ANKRD26: variants seen among roughly 807,000 people sequenced by gnomAD.
ANKRD26 encodes the protein ankyrin repeat domain 26.
A neutral mutation model predicts 208.7 loss-of-function variants in ANKRD26; 141 were observed. That is an observed-to-expected ratio of 0.68 (90% CI 0.59 to 0.78). The LOEUF is 0.78. ANKRD26 is among the 30% of genes least tolerant of loss of function. ANKRD26 has a pLI of 0.00. For missense variants in ANKRD26, 1,889 were observed against 1,938.7 expected (o/e 0.97, Z 0.48); for synonymous variants, 636 against 660.4 (o/e 0.96, Z 0.57).
At chr10:26,958,251 T>C in the ANKRD26 span, among the ~76,000 whole-genome samples, 1 of 151,802 alleles carries the variant, frequency 6.6e-6, no homozygotes, top group Non-Finnish European at 1.5e-5. Flanking sequence ...CCCAGCTAAT[T>C]CTTTTTGTAT....
chr10:26,970,329 A>T (rs2052125106), downstream of ANKRD26, among the ~76,000 whole-genome samples: 2 of 151,978 alleles, frequency 1.3e-5, no homozygotes, highest in Non-Finnish European at 1.5e-5. Flanking sequence ...GTTTAGCATC[A>T]CCCTCTTGAT....
chr10:27,032,315 AG>A (rs2053891134), intron 25 of ANKRD26, among the ~76,000 whole-genome samples: 1 of 152,130 alleles, frequency 6.6e-6, no homozygotes, highest in South Asian at 2.1e-4. Context: ...CCTGGCCAAC[AG>A]GGTGAAACCC....
intron 5 of ANKRD26, among the ~76,000 whole-genome samples, chr10:26,992,276 T>C (rs1025276436): frequency 3.3e-5 from 5 of 152,192 alleles, no homozygotes; most frequent in African/African-American, 1.2e-4. Context: ...ATTTTTTCTT[T>C]AAAATCTTAT....
intron 28 of ANKRD26, 67 bp from the exon 29 acceptor site, chr10:27,022,754 A>T: frequency 7.1e-7 from 1 of 1,405,836 alleles, no homozygotes; most frequent in Non-Finnish European, 9.8e-7. Context: ...TTATTTAAAC[A>T]GATATTATGT....
In ANKRD26 at chr10:27,037,910, C is replaced by T. The variant is rs1191086393; in HGVS notation, c.2520G>A (p.Leu840=). The T allele has an allele frequency of 6.2e-7, 1 of 1,613,052 alleles. No homozygotes were observed. The highest frequency in any genetic ancestry group is 2.2e-5 in the East Asian group (1 of 44,750). The change falls in exon 22 of 34, where the codon CTG becomes CTA. Residue 840 remains leucine, a synonymous_variant. Coordinates refer to ENST00000376087, the MANE Select transcript of ANKRD26 (RefSeq NM_014915.3). ...KQQLELSLQT[L]EMELRTVKSN... is the part of the protein sequence containing the mutation. ...TTTTTACAGTCCTCAATTCCATCTC[C>T]AGTGTTTGGAGACTCAGTTCAAGCT...
downstream of ANKRD26, among the ~76,000 whole-genome samples, chr10:27,001,034 G>A (rs1432879065): frequency 1.3e-5 from 2 of 152,036 alleles, no homozygotes; most frequent in Admixed American, 1.3e-4. Context: ...ACAAACAAAA[G>A]ACAGAATAAC....
chr10:27,013,381 T>C (rs2053182629), intron 31 of ANKRD26, among the ~76,000 whole-genome samples: 2 of 152,142 alleles, frequency 1.3e-5, no homozygotes, highest in Admixed American at 1.3e-4. Flanking sequence ...CTACCAATGA[T>C]GTATAACTTC....
chr10:27,055,939 A>T (rs1286015460), intron 15 of ANKRD26, among the ~76,000 whole-genome samples: 2 of 152,226 alleles, frequency 1.3e-5, no homozygotes, highest in Non-Finnish European at 2.9e-5. Flanking sequence ...GGCAATCTTT[A>T]GATCTCTACC....
chr10:27,093,534 A>C lies in ANKRD26; in HGVS notation c.358-12T>G. The C allele has an allele frequency of 6.2e-7, 1 of 1,614,086 alleles. No homozygotes were observed. On this transcript the variant is annotated splice_polypyrimidine_tract_variant and intron_variant, in intron 2 of 33. Coordinates refer to ENST00000376087, the MANE Select transcript of ANKRD26 (RefSeq NM_014915.3). The stretch of plus-strand genomic sequence containing the variant: ...TGGCATTGTACAGCCTGGGAGTATT[A>C]GACCAAGAAACAGATCATAAATTCT...
At chr10:27,016,605 A>G (rs1225302532) in intron 30 of ANKRD26, among the ~76,000 whole-genome samples, 1 of 151,644 alleles carries the variant, frequency 6.6e-6, no homozygotes, top group African/African-American at 2.4e-5. Flanking sequence ...GGCAAAAACA[A>G]CACAAGTTGT....
chr10:26,952,631 A>T, the ANKRD26 span, among the ~76,000 whole-genome samples: 1 of 152,228 alleles, frequency 6.6e-6, no homozygotes, highest in East Asian at 1.9e-4. Context: ...ACTCTCTCTT[A>T]AAAAATAATA....
intron 9 of ANKRD26, among the ~76,000 whole-genome samples, chr10:27,072,248 T>C (rs542509383): frequency 6.6e-6 from 1 of 152,330 alleles, no homozygotes; most frequent in East Asian, 1.9e-4. Flanking sequence ...AGCAGAACCC[T>C]ATAGGCGTGA....
chr10:26,999,751 T>C (rs1467840287), downstream of ANKRD26, among the ~76,000 whole-genome samples: 1 of 129,498 alleles, frequency 7.7e-6, no homozygotes, highest in Non-Finnish European at 1.5e-5. Context: ...TCCACACTCA[T>C]AGGCTAGAGG....
At chr10:27,051,135 C>G in intron 16 of ANKRD26, 2 of 1,290,174 alleles carry the variant, frequency 1.6e-6, no homozygotes, top group Non-Finnish European at 2.0e-6. Flanking sequence ...ATTTTTAAAC[C>G]TTTGCATATC....
chr10:27,066,489 C>T lies in ANKRD26; in HGVS notation c.1267G>A (p.Glu423Lys), dbSNP rs773806822. ...EEDIESPWDS[E>K]SISENFPQKY... ...ATAGTAACAACCATAGAAAGTACCT[C>T]AGAATCCCAAGGTGATTCTATATCT... is the stretch of plus-strand genomic sequence containing the variant. The change falls in exon 11 of 34, where the codon GAG becomes AAG. Residue 423 changes from glutamate (E) to lysine (K), a missense_variant and splice_region_variant. Glu to Lys is a moderately conservative substitution (Grantham distance 56). Coordinates refer to ENST00000376087, the MANE Select transcript of ANKRD26 (RefSeq NM_014915.3). 1 of 1,588,854 alleles carries T rather than the reference C, an allele frequency of 6.3e-7. No individual in the cohort carries two copies. The highest frequency in any genetic ancestry group is 1.1e-5 in the South Asian group (1 of 89,702).
chr10:27,048,816 T>C lies in ANKRD26; in HGVS notation c.1799A>G (p.Asn600Ser). Reference protein sequence around the residue: ...TDHQQFPRKENKEYASSGPAL... With the variant: ...TDHQQFPRKESKEYASSGPAL... ...ATCAGCTTACCTAGCATACTCTTTA[T>C]TTTCCTTCCTGGGAAATTGCTGATG... Residue 600 changes from asparagine to serine, a missense_variant, in exon 17 of 34, where the codon AAT becomes AGT. Physicochemically the swap from Asn to Ser is conservative, Grantham distance 46. Around this residue, in one of 3 missense-constraint regions of ANKRD26, gnomAD observed 1,272 missense variants for 1,273.8 expected, o/e 1.00. Coordinates refer to ENST00000376087, the MANE Select transcript of ANKRD26 (RefSeq NM_014915.3). The C allele has an allele frequency of 6.2e-7, 1 of 1,613,174 alleles. No homozygotes were observed. The highest frequency in any genetic ancestry group is 8.5e-7 in the Non-Finnish European group (1 of 1,179,646).
intron 29 of ANKRD26, 83 bp downstream of exon 29, chr10:27,022,475 T>C (rs1410768129): frequency 1.8e-6 from 2 of 1,139,728 alleles, no homozygotes; most frequent in African/African-American, 1.6e-5. Flanking sequence ...AAAAAATCTT[T>C]ATTTCACTGT....
intron 5 of ANKRD26, among the ~76,000 whole-genome samples, chr10:27,084,022 G>A (rs1245225130): frequency 1.3e-5 from 2 of 152,006 alleles, no homozygotes; most frequent in Non-Finnish European, 2.9e-5. Flanking sequence ...AGACCAGCCT[G>A]AGCAACATGG....
At chr10:27,010,789 T>C (rs1190001354) in intron 32 of ANKRD26, among the ~76,000 whole-genome samples, 3 of 152,224 alleles carry the variant, frequency 2.0e-5, no homozygotes, top group Non-Finnish European at 2.9e-5. Context: ...ATTATAGGCA[T>C]GAACCATTGC....
Sources: allele counts gnomAD v4.1 joint callset (sites outside exome capture counted in the v4.1 genomes callset), GRCh38; gene constraint gnomAD v4.1.1; regional missense constraint gnomAD v4.1.1; transcripts MANE v1.5; gene names NCBI Gene and HGNC (gene_info 2026-07-23, HGNC 2026-07-21).